NFIA: variants seen among roughly 807,000 people sequenced by gnomAD.
The protein encoded by NFIA is nuclear factor I A.
Under a neutral mutation model 62.8 loss-of-function variants are expected in NFIA, and 8 were observed. That is an observed-to-expected ratio of 0.13 (90% CI 0.07 to 0.23). NFIA has a LOEUF of 0.23. Among genes scored for constraint, NFIA ranks in the 10% least tolerant of loss-of-function variants. NFIA has a pLI of 1.00. For missense variants in NFIA, 410 were observed against 642.1 expected (o/e 0.64, Z 3.91); for synonymous variants, 235 against 238.1 (o/e 0.99, Z 0.12).
At chr1:61,175,255 C>T (rs373397262) in intron 2 of NFIA, among the ~76,000 whole-genome samples, 1 of 152,052 alleles carries the variant, frequency 6.6e-6, no homozygotes, top group East Asian at 1.9e-4. Context: ...GATTCTCTTG[C>T]CTCAGTCTTT....
chr1:61,262,245 A>G (rs1441009908), intron 2 of NFIA, among the ~76,000 whole-genome samples: 6 of 152,226 alleles, frequency 3.9e-5, no homozygotes, highest in Non-Finnish European at 7.3e-5. Context: ...ACTCCCAATT[A>G]CTGTGCAAGT....
chr1:61,444,731 G>T (rs981338586), intron 10 of NFIA, among the ~76,000 whole-genome samples: 6 of 152,208 alleles, frequency 3.9e-5, no homozygotes, highest in African/African-American at 1.4e-4. Context: ...TTTTGGGATT[G>T]CAGAATCAGA....
At chr1:61,332,692 A>T (rs576741521) in intron 4 of NFIA, 106 bp downstream of exon 4, 7 of 820,716 alleles carry the variant, frequency 8.5e-6, no homozygotes, top group Middle Eastern at 2.3e-4. Context: ...TCTCCTTTTC[A>T]TTCACCCATT....
chr1:61,417,759 G>A (rs2474371), intron 9 of NFIA, among the ~76,000 whole-genome samples: 32,869 of 152,044 alleles, frequency 0.22, 4,151 homozygotes, highest in East Asian at 0.5. Flanking sequence ...CTGATGAAAT[G>A]ATTTTAGTGT....
intron 2 of NFIA, chr1:61,132,872 A>G (rs1647105545): frequency 1.3e-5 from 2 of 151,884 alleles, no homozygotes; most frequent in Non-Finnish European, 2.9e-5. Context: ...TTGGCAAGCA[A>G]CTCCCTACCA....
chr1:61,325,932 C>CAAAAA (rs36122626), intron 3 of NFIA, among the ~76,000 whole-genome samples: 10 of 87,856 alleles, frequency 1.1e-4, no homozygotes, highest in African/African-American at 1.8e-4. Context: ...GACTCTGTCT[C>CAAAAA]AAAAAAAAAA....
chr1:61,229,670 C>T (rs377668896), intron 2 of NFIA, among the ~76,000 whole-genome samples: 74 of 152,206 alleles, frequency 4.9e-4, no homozygotes, highest in African/African-American at 1.7e-3. Flanking sequence ...TTCCTTCCTC[C>T]CCAACATGCA....
At position 61,383,316 on chromosome 1, in the gene NFIA, G is replaced by A. The variant is rs1664515521; in HGVS notation, c.1026G>A (p.Leu342=). The change falls in exon 7 of 11, where the codon CTG becomes CTA. Residue 342 remains leucine, a synonymous_variant. Transcript: ENST00000403491. ...CCTCCCCTTCACAGACCTCCTCCCT[G>A]GGAACGGCGTTCACACAGCATCACC... ...SSPSPSQTSS[L]GTAFTQHHRP... 2 of 1,613,810 alleles carry A rather than the reference G, an allele frequency of 1.2e-6. No homozygotes were observed. Among genetic ancestry groups the A allele is most frequent in the African/African-American group, 1.3e-5 (1 of 74,900 alleles).
intron 10 of NFIA, among the ~76,000 whole-genome samples, chr1:61,441,173 T>A (rs1667555916): frequency 6.6e-6 from 1 of 152,142 alleles, no homozygotes; most frequent in African/African-American, 2.4e-5. Flanking sequence ...TTTACAAAGG[T>A]GTTTTATAAA....
intron 9 of NFIA, among the ~76,000 whole-genome samples, chr1:61,415,123 A>G (rs1203687640): frequency 6.6e-6 from 1 of 152,234 alleles, no homozygotes; most frequent in Non-Finnish European, 1.5e-5. Flanking sequence ...ATTTTAATCT[A>G]TGATAAGAGT....
intron 2 of NFIA, among the ~76,000 whole-genome samples, chr1:61,265,174 T>G (rs1657081283): frequency 6.6e-6 from 1 of 152,242 alleles, no homozygotes; most frequent in Admixed American, 6.5e-5. Flanking sequence ...CCTTTTAGCA[T>G]GTTCCACTGT....
chr1:61,084,322 C>T (rs192551878), intron 1 of NFIA, among the ~76,000 whole-genome samples: 1 of 152,122 alleles, frequency 6.6e-6, no homozygotes, highest in East Asian at 1.9e-4. Flanking sequence ...GGTATTTGAT[C>T]TCAGAAGACT....
intron 2 of NFIA, among the ~76,000 whole-genome samples, chr1:61,195,828 T>G (rs1651951667): frequency 6.6e-6 from 1 of 152,192 alleles, no homozygotes; most frequent in African/African-American, 2.4e-5. Flanking sequence ...TCAATTTCAC[T>G]TTTTATTAAC....
At chr1:61,170,987 T>C (rs1343519438) in intron 2 of NFIA, among the ~76,000 whole-genome samples, 2 of 152,362 alleles carry the variant, frequency 1.3e-5, no homozygotes, top group East Asian at 3.9e-4. Flanking sequence ...AACTTGCTAA[T>C]GCAGTGTTTG....
At chr1:61,257,826 C>CAGCCTCCTGAGT (rs945989709) in intron 2 of NFIA, among the ~76,000 whole-genome samples, 3 of 151,044 alleles carry the variant, frequency 2.0e-5, no homozygotes, top group African/African-American at 7.3e-5. Context: ...CCTCTCATCT[C>CAGCCTCCTGAGT]AGCCTCCTGA....
chr1:61,392,190 G>T (rs1221709958), intron 7 of NFIA, among the ~76,000 whole-genome samples: 1 of 151,964 alleles, frequency 6.6e-6, no homozygotes, highest in Admixed American at 6.6e-5. Context: ...ATTTGAAGTT[G>T]CAGGACACTA....
At chr1:61,410,677 G>A (rs575154133) in intron 9 of NFIA, among the ~76,000 whole-genome samples, 6 of 152,178 alleles carry the variant, frequency 3.9e-5, no homozygotes, top group South Asian at 4.2e-4. Flanking sequence ...CCTAGGAGGC[G>A]GGGCAGATTG....
At chr1:61,283,943 G>A (rs1570510084) in intron 3 of NFIA, among the ~76,000 whole-genome samples, 1 of 152,134 alleles carries the variant, frequency 6.6e-6, no homozygotes, top group Admixed American at 6.5e-5. Flanking sequence ...AAAATTTGGA[G>A]GCAATGCAAC....
At chr1:61,363,602 CA>C (rs10624027) in intron 6 of NFIA, among the ~76,000 whole-genome samples, 17,498 of 141,710 alleles carry the variant, frequency 0.12, 1,161 homozygotes, top group Non-Finnish European at 0.15. Flanking sequence ...AAAACTCCGT[CA>C]AAAAAAAAAA....
Sources: allele counts gnomAD v4.1 joint callset (sites outside exome capture counted in the v4.1 genomes callset), GRCh38; gene constraint gnomAD v4.1.1; transcripts MANE v1.5; gene names NCBI Gene and HGNC (gene_info 2026-07-23, HGNC 2026-07-21).